Variants in MYO16 observed in about 807,000 individuals in gnomAD.
MYO16 encodes unconventional myosin-XVI.
In MYO16, 94 loss-of-function variants were observed where a neutral mutation model predicts 205.3. The observed-to-expected ratio is 0.46, with a 90% confidence interval of 0.39 to 0.54. The LOEUF (loss-of-function observed/expected upper bound fraction) is 0.54, where lower values mean the gene tolerates loss of function less well. MYO16 is among the 20% of genes least tolerant of loss of function. The probability of loss-of-function intolerance (pLI) is 0.00; values close to 1 mark genes in which losing one functional copy is unlikely to be tolerated. For synonymous variants in MYO16, 988 were observed against 954.0 expected (o/e 1.04, Z -0.66); for missense variants, 2,315 against 2,387.5 (o/e 0.97, Z 0.63).
At chr13:108,922,159 G>A (rs1881773440) in intron 16 of MYO16, among the ~76,000 whole-genome samples, 1 of 152,156 alleles carries the variant, frequency 6.6e-6, no homozygotes, top group Admixed American at 6.5e-5. Context: ...TCATCATGTA[G>A]CTGTGAGGAA....
chr13:108,976,830 G>A (rs565404948), intron 20 of MYO16, among the ~76,000 whole-genome samples: 1 of 152,172 alleles, frequency 6.6e-6, no homozygotes, highest in South Asian at 2.1e-4. Context: ...GTCAAGAAGA[G>A]TACAAAAGGA....
chr13:109,003,222 A>G (rs1885274561), intron 21 of MYO16, among the ~76,000 whole-genome samples: 1 of 152,244 alleles, frequency 6.6e-6, no homozygotes, highest in African/African-American at 2.4e-5. Context: ...CACCTTCATA[A>G]TAAAAGGTAC....
chr13:109,127,622 A>AT lies in MYO16; in HGVS notation c.4051+73dup. The AT allele has an allele frequency of 2.7e-6, 4 of 1,500,290 alleles. No individual in the cohort carries two copies. Among genetic ancestry groups the AT allele is most frequent in the Non-Finnish European group, 3.6e-6 (4 of 1,105,108 alleles). 92.9% of individuals were successfully genotyped at this position (1,500,290 alleles called of 1,614,324 possible). ...GCTCTGACTTCGCCTTGGGGCGCCC[A>AT]TGGCAGTACTGTCGCCCTAATGTAT... is the stretch of plus-strand genomic sequence containing the variant. On this transcript the variant is annotated intron_variant, in intron 31 of 34. Transcript: ENST00000457511. The surrounding 1 kb of genome is among the most constrained non-coding windows in gnomAD (Gnocchi z 4.2).
At chr13:109,206,105 C>A (rs547825154) in intron 34 of MYO16, among the ~76,000 whole-genome samples, 1 of 151,624 alleles carries the variant, frequency 6.6e-6, no homozygotes, top group African/African-American at 2.4e-5. Context: ...GAGTAGGGGT[C>A]CATCTTTGGG....
At chr13:108,565,464 T>C in the MYO16 span, among the ~76,000 whole-genome samples, 2 of 152,184 alleles carry the variant, frequency 1.3e-5, no homozygotes, top group Admixed American at 6.5e-5. Context: ...CTTTTTTATT[T>C]CTTTTTCAAA....
intron 2 of MYO16, among the ~76,000 whole-genome samples, chr13:108,711,276 T>C (rs1446374513): frequency 6.6e-6 from 1 of 152,246 alleles, no homozygotes; most frequent in Non-Finnish European, 1.5e-5. Context: ...TACTACAAGT[T>C]TGCCACCTTT....
intron 9 of MYO16, among the ~76,000 whole-genome samples, chr13:108,824,424 A>G (rs1876147433): frequency 6.6e-6 from 1 of 152,096 alleles, no homozygotes; most frequent in Non-Finnish European, 1.5e-5. Flanking sequence ...CAACCCCTCT[A>G]AAACAGATCT....
chr13:109,014,709 A>G (rs1885742507), intron 22 of MYO16, among the ~76,000 whole-genome samples: 2 of 152,068 alleles, frequency 1.3e-5, no homozygotes, highest in East Asian at 1.9e-4. Context: ...ATTCCTAGGT[A>G]TTTTATTCTC....
At position 109,127,312 on chromosome 13, in the gene MYO16, C is replaced by G; in HGVS notation, c.3813C>G (p.Phe1271Leu). ...ATGACAAGAGTGGACCCAGGCATTT[C>G]CACCCCAGCTCCATGTCAGTCTGCG... The part of the protein sequence containing the change: ...RTDDKSGPRH[F>L]HPSSMSVCAA... The change falls in exon 31 of 35, where the codon TTC becomes TTG. Residue 1271 changes from phenylalanine to leucine, a missense_variant. Phe to Leu is a conservative substitution (Grantham distance 22). This residue lies in a region of MYO16 where 1,097 missense variants were observed against 1,092.0 expected (regional missense o/e 1.00). Transcript: ENST00000457511. This position sits in a 1 kb window ranked among gnomAD's most constrained non-coding sequence, Gnocchi z 4.2. The G allele has an allele frequency of 6.3e-7, 1 of 1,598,304 alleles. No homozygotes were observed. Among genetic ancestry groups the G allele is most frequent in the South Asian group, 1.1e-5 (1 of 90,088 alleles).
chr13:109,047,387 C>T (rs1887081826), intron 24 of MYO16, among the ~76,000 whole-genome samples: 1 of 151,984 alleles, frequency 6.6e-6, no homozygotes, highest in African/African-American at 2.4e-5. Flanking sequence ...GTATTTTATT[C>T]TTATGTACTT....
intron 11 of MYO16, among the ~76,000 whole-genome samples, chr13:108,860,010 CT>C (rs111789965): frequency 6.8e-4 from 100 of 146,344 alleles, no homozygotes; most frequent in Middle Eastern, 7.0e-3. Flanking sequence ...AGCAGAGCCT[CT>C]TTTTTTTTTT....
intron 32 of MYO16, among the ~76,000 whole-genome samples, chr13:109,159,437 T>C (rs1010995782): frequency 4.9e-5 from 7 of 143,782 alleles, no homozygotes; most frequent in Non-Finnish European, 9.2e-5. Flanking sequence ...GTAGCTCCTT[T>C]CAGAAAGAGA....
At chr13:108,888,266 G>A in intron 13 of MYO16, 106 bp from the exon 14 acceptor site, 1 of 704,644 alleles carries the variant, frequency 1.4e-6, no homozygotes, top group Non-Finnish European at 2.3e-6. Context: ...AATATCTCCA[G>A]TTAATTTTTT....
At chr13:108,700,599 A>G (rs1377834286) in intron 2 of MYO16, among the ~76,000 whole-genome samples, 2 of 152,182 alleles carry the variant, frequency 1.3e-5, no homozygotes, top group African/African-American at 4.8e-5. Context: ...ATCATTTGAC[A>G]TATCTGGCAA....
intron 1 of MYO16, among the ~76,000 whole-genome samples, chr13:108,599,482 T>C (rs1878684233): frequency 6.6e-6 from 1 of 152,170 alleles, no homozygotes. Context: ...CATAAATACC[T>C]TGGGAAAACA....
chr13:109,183,440 A>G (rs1879542055), intron 34 of MYO16, among the ~76,000 whole-genome samples: 1 of 152,230 alleles, frequency 6.6e-6, no homozygotes. Flanking sequence ...AATGCTTGGT[A>G]CTTGCCCTTG....
At chr13:108,566,727 AAGGAAGGG>A in the MYO16 span, among the ~76,000 whole-genome samples, 36 of 130,826 alleles carry the variant, frequency 2.8e-4, no homozygotes, top group East Asian at 2.2e-3. Context: ...GGAAGGAAGG[AAGGAAGGG>A]AGGAAGGAAG....
chr13:108,740,659 AG>A (rs752640755), intron 4 of MYO16, among the ~76,000 whole-genome samples: 1 of 152,048 alleles, frequency 6.6e-6, no homozygotes, highest in Non-Finnish European at 1.5e-5. Context: ...CTCTCTTCAA[AG>A]CTGTCAGACA....
intron 4 of MYO16, among the ~76,000 whole-genome samples, chr13:108,741,138 G>GTCCTGCACCCACCA (rs1884895423): frequency 6.6e-6 from 1 of 152,062 alleles, no homozygotes; most frequent in South Asian, 2.1e-4. Flanking sequence ...TTCACCCACT[G>GTCCTGCACCCACCA]TCCTGCACCC....
Sources: gnomAD v4.1 joint callset for allele counts (sites outside exome capture counted in the v4.1 genomes callset) on GRCh38, gnomAD v4.1.1 for gene constraint, gnomAD v4.1.1 regional missense constraint, Gnocchi (gnomAD v3.1) non-coding constraint, MANE v1.5 for transcripts, NCBI Gene and HGNC (gene_info 2026-07-23, HGNC 2026-07-21) for gene names.